The following MED12L variants were observed in gnomAD, a reference collection of about 807,000 sequenced individuals.
MED12L encodes the protein mediator of RNA polymerase II transcription subunit 12-like protein.
A neutral mutation model predicts 281.3 loss-of-function variants in MED12L; 60 were observed. That is an observed-to-expected ratio of 0.21 (90% CI 0.17 to 0.26). The LOEUF (loss-of-function observed/expected upper bound fraction) is 0.26. Ranked by LOEUF, MED12L falls within the 10% of genes least tolerant of loss-of-function variation. The pLI, the probability that MED12L is intolerant of heterozygous loss-of-function variation, is 1.00. For synonymous variants in MED12L, 974 were observed against 987.2 expected (o/e 0.99, Z 0.25); for missense variants, 2,146 against 2,680.9 (o/e 0.80, Z 4.41).
At chr3:151,086,755 G>T (rs1719272911) in intron 1 of MED12L, 43 bp from the exon 2 acceptor site, 1 of 552,344 alleles carries the variant, frequency 1.8e-6, no homozygotes, top group East Asian at 3.2e-5. Flanking sequence ...TCTGCTGCCG[G>T]GCAGCGGCAG....
At chr3:151,241,325 A>G (rs1280758883) in intron 16 of MED12L, among the ~76,000 whole-genome samples, 10 of 152,240 alleles carry the variant, frequency 6.6e-5, no homozygotes, top group Admixed American at 6.5e-4. Context: ...TTGTATCAAT[A>G]TCAAAGAGTA....
rs901335384 is a variant in MED12L, at chr3:151,369,525, G to A, written c.3640G>A (p.Val1214Ile). ...NSIEVGAVFA[V>I]LKAIMMLGDA... Reference sequence around the variant, plus strand: ...CATTGAAGTGGGAGCCGTGTTTGCTGTCTTAAAAGCAATTATGATGCTTGG... The same window carrying A: ...CATTGAAGTGGGAGCCGTGTTTGCTATCTTAAAAGCAATTATGATGCTTGG... Residue 1214 changes from valine (V) to isoleucine (I), a missense_variant, in exon 26 of 45, where the codon GTC (valine) becomes ATC (isoleucine). Transcript: ENST00000687756. 39 of 1,610,166 alleles carry A rather than the reference G, an allele frequency of 2.4e-5. No homozygotes were observed. The highest frequency in any genetic ancestry group is 3.0e-5 in the Non-Finnish European group (35 of 1,177,382).
chr3:151,416,752 G>C (rs6440741), intron 43 of MED12L, among the ~76,000 whole-genome samples: 1 of 152,086 alleles, frequency 6.6e-6, no homozygotes, highest in Non-Finnish European at 1.5e-5. Context: ...GTTTAAAAGA[G>C]TGTCTTACCA....
At chr3:151,426,877 G>A (rs1718937531) in intron 43 of MED12L, among the ~76,000 whole-genome samples, 1 of 150,882 alleles carries the variant, frequency 6.6e-6, no homozygotes, top group Non-Finnish European at 1.5e-5. Context: ...GAATGCAGTG[G>A]TACGATCACG....
intron 2 of MED12L, among the ~76,000 whole-genome samples, chr3:151,114,766 T>C (rs2148726661): frequency 6.6e-6 from 1 of 152,220 alleles, no homozygotes; most frequent in East Asian, 1.9e-4. Context: ...TTTTTTTTTT[T>C]TTCTTTTTTA....
At chr3:151,141,187 G>GTTTTTTTTTTTTTTGTTTTTGTTTT (rs76965310) in intron 5 of MED12L, among the ~76,000 whole-genome samples, 1 of 99,108 alleles carries the variant, frequency 1.0e-5, no homozygotes, top group African/African-American at 4.8e-5. Flanking sequence ...TGTTTTTTTT[G>GTTTTTTTTTTTTTTGTTTTTGTTTT]TTTTTTTTTT....
intron 43 of MED12L, among the ~76,000 whole-genome samples, chr3:151,417,512 G>A (rs549846456): frequency 3.2e-5 from 3 of 92,610 alleles, no homozygotes; most frequent in African/African-American, 4.5e-5. Context: ...TTTTTGAGAC[G>A]GAATCTCACT....
intron 5 of MED12L, among the ~76,000 whole-genome samples, chr3:151,151,347 T>G (rs1276888763): frequency 6.6e-6 from 1 of 152,024 alleles, no homozygotes; most frequent in Admixed American, 6.5e-5. Flanking sequence ...TGAAGTAGCA[T>G]TTTTAATTTC....
intron 16 of MED12L, among the ~76,000 whole-genome samples, chr3:151,280,177 G>A (rs1190028259): frequency 6.6e-6 from 1 of 152,188 alleles, no homozygotes; most frequent in African/African-American, 2.4e-5. Context: ...TGGACTCTGT[G>A]TAAGACACTT....
intron 16 of MED12L, among the ~76,000 whole-genome samples, chr3:151,296,062 T>G (rs1745046430): frequency 6.6e-6 from 1 of 152,232 alleles, no homozygotes; most frequent in Non-Finnish European, 1.5e-5. Context: ...AAATGCTGAT[T>G]TTGTTTTCTC....
At position 151,099,099 on chromosome 3, in the gene MED12L, C is replaced by T. The variant is rs907079884; in HGVS notation, c.99+12074C>T. Reference sequence around the variant, plus strand: ...TCATTTATCTCCCACCAGGTCCCTCCCATAACAGGTGGGGATTATGGGAAC... The same window carrying T: ...TCATTTATCTCCCACCAGGTCCCTCTCATAACAGGTGGGGATTATGGGAAC... On this transcript the variant is annotated intron_variant, in intron 2 of 44. Transcript: ENST00000687756. Among the ~76,000 whole-genome samples the T allele has an allele frequency of 1.3e-5, 2 of 152,134 alleles. 1 individual carries two copies. The highest frequency in any genetic ancestry group is 2.9e-5 in the Non-Finnish European group (2 of 68,024).
At chr3:151,092,036 A>C (rs1054138842) in intron 2 of MED12L, among the ~76,000 whole-genome samples, 12 of 152,132 alleles carry the variant, frequency 7.9e-5, no homozygotes, top group African/African-American at 2.9e-4. Context: ...GTTGTACTTA[A>C]CCATAACAGC....
chr3:151,243,266 C>T (rs528436839), intron 16 of MED12L, among the ~76,000 whole-genome samples: 10 of 151,690 alleles, frequency 6.6e-5, no homozygotes, highest in South Asian at 2.1e-4. Flanking sequence ...GTACAGAGAA[C>T]GCCACAAAGA....
chr3:151,410,692 G>A (rs147501694), intron 40 of MED12L, among the ~76,000 whole-genome samples: 7 of 152,148 alleles, frequency 4.6e-5, no homozygotes, highest in Middle Eastern at 3.2e-3. Context: ...GGTCCAGCCC[G>A]TACTAGAGGA....
chr3:151,207,269 A>G (rs1229497242), intron 16 of MED12L, among the ~76,000 whole-genome samples: 1 of 152,118 alleles, frequency 6.6e-6, no homozygotes, highest in African/African-American at 2.4e-5. Flanking sequence ...TATAACAGCA[A>G]ATATTTATCA....
Position 151,329,089 on chromosome 3 carries a change from C to G in MED12L, c.2251-20970C>G, listed in dbSNP as rs546426718. The G allele has an allele frequency of 9.6e-5, 99 of 1,029,500 alleles. No individual in the cohort carries two copies. In the East Asian group the frequency reaches 2.4e-3, roughly 25 times the overall value. 63.8% of individuals were successfully genotyped at this position (1,029,500 alleles called of 1,614,324 possible). On this transcript the variant is annotated intron_variant, in intron 16 of 44. Transcript: ENST00000687756. The stretch of plus-strand genomic sequence containing the variant: ...TCAAATGCTATTTTTTAAAAACAGA[C>G]TTTATGTTTATAGCATATTAACATC...
rs1233066541 is a variant in MED12L at position 151,150,519 on chromosome 3, G to T, written c.557-5642G>T. Among the ~76,000 whole-genome samples the T allele has an allele frequency of 3.3e-5, 5 of 152,192 alleles. No homozygotes were observed. The East Asian group carries it at 9.6e-4, about 29-fold the overall frequency. The stretch of plus-strand genomic sequence containing the variant: ...TAAAGGCTATAGGCTTTTCCAAATG[G>T]TGAATTAGCATTGGTTTTAGGTTAG... On this transcript the variant is annotated intron_variant, in intron 5 of 44. Transcript: ENST00000687756.
chr3:151,421,769 A>G (rs1422040780), intron 43 of MED12L, among the ~76,000 whole-genome samples: 1 of 152,248 alleles, frequency 6.6e-6, no homozygotes, highest in Non-Finnish European at 1.5e-5. Context: ...TAGTTCCACT[A>G]AGATGCATTG....
intron 9 of MED12L, among the ~76,000 whole-genome samples, chr3:151,164,323 C>A (rs1469453012): frequency 6.6e-6 from 1 of 152,122 alleles, no homozygotes; most frequent in Non-Finnish European, 1.5e-5. Flanking sequence ...ATGACCATGA[C>A]TCCTGTAGTA....
Sources: gnomAD v4.1 joint callset for allele counts (sites outside exome capture counted in the v4.1 genomes callset) on GRCh38, gnomAD v4.1.1 for gene constraint, MANE v1.5 for transcripts, NCBI Gene and HGNC (gene_info 2026-07-23, HGNC 2026-07-21) for gene names.